Variants in CALN1 observed in about 807,000 individuals in gnomAD.
CALN1 encodes calcium-binding protein 8.
CALN1 carries 17 observed loss-of-function variants against 30.6 expected under a neutral mutation model. The observed-to-expected ratio is 0.56, with a 90% confidence interval of 0.38 to 0.83. CALN1 has a LOEUF of 0.83. Ranked by LOEUF, CALN1 falls within the 40% of genes least tolerant of loss-of-function variation. CALN1 has a pLI of 0.00. For synonymous variants in CALN1, 156 were observed against 131.4 expected, an observed-to-expected ratio of 1.19 and a Z score of -1.28; for missense variants, 291 against 354.9, an observed-to-expected ratio of 0.82 and a Z score of 1.45.
intron 2 of CALN1, among the ~76,000 whole-genome samples, chr7:72,368,949 G>A (rs1205926793): frequency 2.6e-5 from 4 of 151,312 alleles, no homozygotes; most frequent in African/African-American, 9.7e-5. Flanking sequence ...CAAGTAGCTG[G>A]GATTACAGGC....
chr7:71,781,563 A>C lies in CALN1; in HGVS notation c.*6212T>G, dbSNP rs978644776. Reference sequence around the variant, plus strand: ...AGGACAGCATCTGCAGCCCTTTAAGAACTTTCTTTGTCTCCCTCAGGTCCA... The same window carrying C: ...AGGACAGCATCTGCAGCCCTTTAAGCACTTTCTTTGTCTCCCTCAGGTCCA... On this transcript the variant is annotated 3_prime_UTR_variant, in exon 7 of 7. Coordinates refer to ENST00000395275, the MANE Select transcript of CALN1 (RefSeq NM_031468.4). 2.0e-5 allele frequency: 3 copies of C among 151,694 alleles called. No homozygotes were observed. The highest frequency in any genetic ancestry group is 7.3e-5 in the African/African-American group (3 of 41,008). 9.4% of individuals were successfully genotyped at this position (151,694 alleles called of 1,614,324 possible).
In CALN1 at chr7:72,411,325, A is replaced by G. The variant is rs970586439; in HGVS notation, c.-74+733T>C. On this transcript the variant is annotated intron_variant, in intron 1 of 6. Coordinates refer to ENST00000395275, the MANE Select transcript of CALN1 (RefSeq NM_031468.4). Reference sequence around the variant, plus strand: ...TGACTGAGCTTTCCACGTGAGACCTAAGTCTCAGGACAAAAAGAACCACAA... The same window carrying G: ...TGACTGAGCTTTCCACGTGAGACCTGAGTCTCAGGACAAAAAGAACCACAA... Among the ~76,000 whole-genome samples, 7 of 152,168 alleles carry G rather than the reference A, an allele frequency of 4.6e-5. No homozygotes were observed. The South Asian group carries it at 8.3e-4, about 18-fold the overall frequency.
chr7:72,222,227 A>G (rs1171732706), intron 3 of CALN1, among the ~76,000 whole-genome samples: 1 of 95,808 alleles, frequency 1.0e-5, no homozygotes, highest in African/African-American at 5.1e-5. Flanking sequence ...CTCCGTCTCA[A>G]AAAAAGAAAA....
chr7:72,284,815 G>T (rs1247010983), intron 2 of CALN1, among the ~76,000 whole-genome samples: 1 of 151,946 alleles, frequency 6.6e-6, no homozygotes, highest in Non-Finnish European at 1.5e-5. Flanking sequence ...TATACAGATA[G>T]ATTAAGGATA....
intron 2 of CALN1, among the ~76,000 whole-genome samples, chr7:72,291,910 C>A (rs1362772573): frequency 1.3e-5 from 2 of 151,972 alleles, no homozygotes; most frequent in Admixed American, 6.6e-5. Context: ...CCGAGCCTGA[C>A]CATATGTTGA....
intron 2 of CALN1, among the ~76,000 whole-genome samples, chr7:72,314,366 C>CATATATATACAT (rs371418054): frequency 3.7e-5 from 3 of 81,842 alleles, no homozygotes; most frequent in East Asian, 2.0e-4. Context: ...TATACATATA[C>CATATATATACAT]ATATATACAC....
intron 4 of CALN1, among the ~76,000 whole-genome samples, chr7:72,080,031 G>A (rs192806965): frequency 5.3e-5 from 8 of 151,896 alleles, no homozygotes; most frequent in South Asian, 2.1e-4. Context: ...TCGGCCTCCC[G>A]AAGTGCTGGG....
intron 5 of CALN1, among the ~76,000 whole-genome samples, chr7:71,942,835 C>T (rs1796206547): frequency 6.6e-6 from 1 of 152,136 alleles, no homozygotes; most frequent in Non-Finnish European, 1.5e-5. Flanking sequence ...ACCTGCCTCC[C>T]ATTCTATTCA....
chr7:72,371,303 T>C (rs900702212), intron 2 of CALN1, among the ~76,000 whole-genome samples: 2 of 152,176 alleles, frequency 1.3e-5, no homozygotes, highest in Non-Finnish European at 2.9e-5. Flanking sequence ...GCATATGATA[T>C]GGTCAGGCTG....
At chr7:71,811,700 T>C (rs1321013110) in intron 5 of CALN1, among the ~76,000 whole-genome samples, 1 of 146,534 alleles carries the variant, frequency 6.8e-6, no homozygotes, top group Non-Finnish European at 1.5e-5. Context: ...TTTTCCGAAA[T>C]GGAGTCTTGC....
chr7:72,163,812 C>A (rs965451437), intron 3 of CALN1, among the ~76,000 whole-genome samples: 16 of 152,034 alleles, frequency 1.1e-4, no homozygotes, highest in Non-Finnish European at 2.4e-4. Flanking sequence ...ATTTAACATA[C>A]ATGTAATGAA....
At chr7:72,096,751 C>A (rs555543650) in intron 4 of CALN1, among the ~76,000 whole-genome samples, 1 of 152,084 alleles carries the variant, frequency 6.6e-6, no homozygotes, top group Non-Finnish European at 1.5e-5. Flanking sequence ...GACAGTGTGG[C>A]GATTCCTCAA....
At chr7:71,971,953 A>AAAAAAAAAG (rs1797839188) in intron 5 of CALN1, among the ~76,000 whole-genome samples, 18 of 72,816 alleles carry the variant, frequency 2.5e-4, no homozygotes, top group African/African-American at 7.0e-4. Context: ...AAAAAAAAAA[A>AAAAAAAAAG]AAAGAAAGAA....
chr7:72,149,231 C>A (rs146369066), intron 3 of CALN1, among the ~76,000 whole-genome samples: 1 of 151,920 alleles, frequency 6.6e-6, no homozygotes, highest in African/African-American at 2.4e-5. Flanking sequence ...TTTGGGAGAC[C>A]GAGGCGGGTG....
At chr7:72,451,209 A>AAGGAGGAGGAGG (rs546106123), upstream of CALN1, among the ~76,000 whole-genome samples, 4 of 126,112 alleles carry the variant, frequency 3.2e-5, no homozygotes, top group East Asian at 2.4e-4. Flanking sequence ...GAAGAAGAAG[A>AAGGAGGAGGAGG]AGGAGGAGGA....
chr7:71,952,768 C>T (rs1432512791), intron 5 of CALN1, among the ~76,000 whole-genome samples: 1 of 152,140 alleles, frequency 6.6e-6, no homozygotes, highest in Admixed American at 6.5e-5. Flanking sequence ...CCAAGCCCCA[C>T]CATGCTCTTG....
intron 4 of CALN1, among the ~76,000 whole-genome samples, chr7:72,099,408 C>T (rs1488271804): frequency 6.6e-6 from 1 of 151,406 alleles, no homozygotes; most frequent in Non-Finnish European, 1.5e-5. Flanking sequence ...GCTCGAATCT[C>T]TGGAGGATTC....
chr7:72,304,594 G>C (rs868472279), intron 2 of CALN1, among the ~76,000 whole-genome samples: 10 of 152,112 alleles, frequency 6.6e-5, no homozygotes, highest in African/African-American at 1.9e-4. Flanking sequence ...TGACATGGGG[G>C]GGGTATAGCT....
intron 3 of CALN1, among the ~76,000 whole-genome samples, chr7:72,253,943 G>T (rs565510803): frequency 6.6e-6 from 1 of 152,320 alleles, no homozygotes; most frequent in South Asian, 2.1e-4. Context: ...GTTTCACCAT[G>T]TTGGCTAGGC....
Sources: gnomAD v4.1 joint callset for allele counts (sites outside exome capture counted in the v4.1 genomes callset) on GRCh38, gnomAD v4.1.1 for gene constraint, MANE v1.5 for transcripts, NCBI Gene and HGNC (gene_info 2026-07-23, HGNC 2026-07-21) for gene names.